MORC1: variants seen among roughly 807,000 people sequenced by gnomAD.
The protein encoded by MORC1 is MORC family CW-type zinc finger 1.
Under a neutral mutation model 134.9 loss-of-function variants are expected in MORC1, and 59 were observed. The ratio of observed to expected loss-of-function variants is 0.44; its 90% CI spans 0.35 to 0.54. The LOEUF is 0.54. MORC1 is among the 20% of genes least tolerant of loss of function. MORC1 has a pLI of 0.00. For missense variants in MORC1, 947 were observed against 1,134.5 expected (o/e 0.83, Z 2.37); for synonymous variants, 395 against 391.7 (o/e 1.01, Z -0.10).
At chr3:109,047,061 G>T (rs1949711661) in intron 14 of MORC1, among the ~76,000 whole-genome samples, 1 of 151,956 alleles carries the variant, frequency 6.6e-6, no homozygotes. Context: ...ACGTTTAAAA[G>T]ATGAATCTCA....
Position 108,971,511 on chromosome 3 carries a change from GA to G in MORC1, c.2478-110del, listed in dbSNP as rs1197336445. On this transcript the variant is annotated intron_variant, in intron 24 of 27. Coordinates refer to ENST00000232603, the MANE Select transcript of MORC1 (RefSeq NM_014429.4). ...GGGTATTAAATATCCTGGCAAAGATGAACATTAGTTCCCCCCAAACATTTTG... is the reference window on the plus strand; with the variant it reads ...GGGTATTAAATATCCTGGCAAAGATGACATTAGTTCCCCCCAAACATTTTG... The G allele has an allele frequency of 3.5e-6, 3 of 854,662 alleles. No homozygotes were observed. In the African/African-American group the frequency reaches 5.2e-5, roughly 15 times the overall value. The allele number at this position is 854,662 out of a possible 1,614,324, so 52.9% of individuals were successfully genotyped here.
At chr3:108,970,675 C>T (rs1947352572) in intron 25 of MORC1, among the ~76,000 whole-genome samples, 1 of 152,176 alleles carries the variant, frequency 6.6e-6, no homozygotes, top group Admixed American at 6.5e-5. Flanking sequence ...GAGAAAAGGC[C>T]TCCCACCCTC....
In MORC1 at chr3:109,094,967, G is replaced by A; in HGVS notation, c.525C>T (p.Ser175=). 2 of 1,591,912 alleles carry A rather than the reference G, an allele frequency of 1.3e-6. No homozygotes were observed. The highest frequency in any genetic ancestry group is 1.7e-6 in the Non-Finnish European group (2 of 1,173,816). Residue 175 remains serine, a synonymous_variant, in exon 7 of 28, where the codon TCC becomes TCT. Transcript: ENST00000232603. ...AMELSIIYKY[S]PFKTEAELMQ... ...TCAATTCTGCTTCAGTTTTAAATGGGGAGTATTTATAAATTATAGATAATT... is the reference window on the plus strand; with the variant it reads ...TCAATTCTGCTTCAGTTTTAAATGGAGAGTATTTATAAATTATAGATAATT...
At chr3:109,034,703 A>G (rs541121384) in intron 15 of MORC1, among the ~76,000 whole-genome samples, 1 of 152,136 alleles carries the variant, frequency 6.6e-6, no homozygotes, top group African/African-American at 2.4e-5. Flanking sequence ...ATATTAATTC[A>G]CATTTCTCTA....
intron 18 of MORC1, 92 bp from the exon 19 acceptor site, chr3:109,005,407 TTTC>T (rs879634857): frequency 2.4e-5 from 29 of 1,197,858 alleles, no homozygotes; most frequent in Non-Finnish European, 3.2e-5. Context: ...ATAATAGGTA[TTTC>T]TTATTACTAC....
At chr3:109,080,262 G>A (rs758924788) in intron 8 of MORC1, among the ~76,000 whole-genome samples, 4 of 152,158 alleles carry the variant, frequency 2.6e-5, no homozygotes, top group South Asian at 2.1e-4. Flanking sequence ...AGCAAGTCAC[G>A]TCTTACATGG....
intron 16 of MORC1, among the ~76,000 whole-genome samples, chr3:109,028,146 TA>T (rs1223179637): frequency 6.6e-6 from 1 of 152,192 alleles, no homozygotes; most frequent in African/African-American, 2.4e-5. Context: ...ATTATATTGC[TA>T]ATGCTTCACT....
In MORC1 at chr3:108,958,584, C is replaced by T. The variant is rs1401576407; in HGVS notation, c.*381G>A. On this transcript the variant is annotated 3_prime_UTR_variant, in exon 28 of 28. Coordinates refer to ENST00000232603, the MANE Select transcript of MORC1 (RefSeq NM_014429.4). Reference sequence around the variant, plus strand: ...GGTGATTCTGTAGTCCTTCACATATCGATTTTGAAAAAATCTGCTTTTAAA... The same window carrying T: ...GGTGATTCTGTAGTCCTTCACATATTGATTTTGAAAAAATCTGCTTTTAAA... 3 of 152,630 alleles carry T rather than the reference C, an allele frequency of 2.0e-5. No homozygotes were observed. The highest frequency in any genetic ancestry group is 1.3e-4 in the Admixed American group (2 of 15,220). 9.5% of individuals were successfully genotyped at this position (152,630 alleles called of 1,614,324 possible).
chr3:108,979,829 T>C (rs995218335), intron 23 of MORC1, among the ~76,000 whole-genome samples, 162 bp from the exon 24 acceptor site: 2 of 152,232 alleles, frequency 1.3e-5, no homozygotes, highest in Non-Finnish European at 1.5e-5. Context: ...AAACAAATTC[T>C]TAATTAGAAG....
In MORC1 at chr3:109,042,884, T is replaced by C. The variant is rs571888840; in HGVS notation, c.1331-7416A>G. The stretch of plus-strand genomic sequence containing the variant: ...GTGAAATCTTAAAAAGTCAAACTCA[T>C]AGAAGCACAGAGTAGAATGATGGTT... On this transcript the variant is annotated intron_variant, in intron 14 of 27. Transcript: ENST00000232603. Among the ~76,000 whole-genome samples the C allele has an allele frequency of 1.1e-3, 168 of 150,782 alleles. 2 individuals carry two copies. Among genetic ancestry groups the C allele is most frequent in the African/African-American group, 1.8e-3 (76 of 41,324 alleles).
At chr3:109,093,644 T>C (rs1950771897) in intron 7 of MORC1, 103 bp from the exon 8 acceptor site, 1 of 838,550 alleles carries the variant, frequency 1.2e-6, no homozygotes, top group African/African-American at 1.7e-5. Flanking sequence ...CTATAAAATT[T>C]TCTTTTGTAC....
chr3:109,064,002 T>C (rs537817117), intron 9 of MORC1, among the ~76,000 whole-genome samples: 40 of 152,242 alleles, frequency 2.6e-4, no homozygotes, highest in Admixed American at 2.4e-3. Context: ...AAACCCTAAA[T>C]GTACATCAAT....
intron 17 of MORC1, among the ~76,000 whole-genome samples, chr3:109,020,503 G>A (rs1559897714): frequency 6.6e-6 from 1 of 152,018 alleles, no homozygotes; most frequent in Admixed American, 6.6e-5. Flanking sequence ...GATTAAGTAT[G>A]AGCCTGTAAT....
chr3:109,072,530 A>T (rs960160841), intron 8 of MORC1, among the ~76,000 whole-genome samples: 1 of 152,210 alleles, frequency 6.6e-6, no homozygotes, highest in Admixed American at 6.5e-5. Context: ...TAGCGCTCTC[A>T]TCAATAAAAA....
chr3:109,091,704 C>T (rs1950733194), intron 8 of MORC1, among the ~76,000 whole-genome samples: 1 of 152,016 alleles, frequency 6.6e-6, no homozygotes, highest in Non-Finnish European at 1.5e-5. Flanking sequence ...AACTATGAAT[C>T]CTCTTTACAG....
chr3:109,096,063 CA>C (rs1458164984), intron 6 of MORC1, among the ~76,000 whole-genome samples: 5 of 151,914 alleles, frequency 3.3e-5, no homozygotes, highest in Non-Finnish European at 7.4e-5. Flanking sequence ...TTCAACAAGG[CA>C]AAAATCAATT....
intron 3 of MORC1, among the ~76,000 whole-genome samples, chr3:109,106,356 C>T (rs751642538): frequency 4.6e-5 from 7 of 152,184 alleles, no homozygotes; most frequent in Non-Finnish European, 8.8e-5. Context: ...CAGACATATA[C>T]TACAGTATCT....
chr3:109,086,985 A>T (rs1950626337), intron 8 of MORC1, among the ~76,000 whole-genome samples: 1 of 152,132 alleles, frequency 6.6e-6, no homozygotes, highest in East Asian at 1.9e-4. Flanking sequence ...TAATTTCTAC[A>T]GTAGAAGAGA....
chr3:109,055,598 T>A (rs552719453), intron 13 of MORC1, among the ~76,000 whole-genome samples: 3 of 152,320 alleles, frequency 2.0e-5, no homozygotes, highest in South Asian at 4.1e-4. Context: ...AGGCCTAAAT[T>A]GACTTCTCCA....
Sources: allele counts gnomAD v4.1 joint callset (sites outside exome capture counted in the v4.1 genomes callset), GRCh38; gene constraint gnomAD v4.1.1; transcripts MANE v1.5; gene names NCBI Gene and HGNC (gene_info 2026-07-23, HGNC 2026-07-21).